SUV39H2: variants seen among roughly 807,000 people sequenced by gnomAD.
SUV39H2 encodes the protein SUV39H2 histone lysine methyltransferase.
Under a neutral mutation model 47.5 loss-of-function variants are expected in SUV39H2, and 10 were observed. The observed-to-expected ratio is 0.21, with a 90% CI of 0.13 to 0.36. The LOEUF is 0.36. Among genes scored for constraint, SUV39H2 ranks in the 10% least tolerant of loss-of-function variants. SUV39H2 has a pLI of 1.00. For synonymous variants in SUV39H2, 159 were observed against 166.8 expected (o/e 0.95, Z 0.36); for missense variants, 266 against 487.4 (o/e 0.55, Z 4.28).
At chr10:14,899,123 C>G in intron 3 of SUV39H2, 1 of 657,554 alleles carries the variant, frequency 1.5e-6, no homozygotes. Flanking sequence ...AGTTCCAGAC[C>G]AGTGTGGGCA....
rs1834098800 is a variant in SUV39H2, at chr10:14,902,572, A to G, written c.*60A>G. The G allele has an allele frequency of 9.3e-7, 1 of 1,074,030 alleles. No homozygotes were observed. Among genetic ancestry groups the G allele is most frequent in the African/African-American group, 1.6e-5 (1 of 62,076 alleles). 66.5% of individuals were successfully genotyped at this position (1,074,030 alleles called of 1,614,324 possible). A position where few individuals can be genotyped will look rare whatever the true frequency, so the allele number is the denominator to read the frequency against. ...TTTTTTTCCTAATGTTAACATTTTT[A>G]AAAATACATATTTGGGACTCTTATT... is the stretch of plus-strand genomic sequence containing the variant. On this transcript the variant is annotated 3_prime_UTR_variant, in exon 6 of 6. Transcript: ENST00000354919.
rs758703395 is a variant in SUV39H2 at position 14,897,178 on chromosome 10, T to C, written c.510T>C (p.Tyr170=). ...TAGAGGGCCCACCTTCAGACTTCTA[T>C]TACATTAACGAATACAAACCAGCTC... ...VDLEGPPSDF[Y]YINEYKPAPG... The change falls in exon 3 of 6, where the codon TAT becomes TAC. Residue 170 remains tyrosine, a synonymous_variant. Coordinates refer to ENST00000354919, the MANE Select transcript of SUV39H2 (RefSeq NM_001193424.2). The C allele has an allele frequency of 3.7e-6, 6 of 1,613,840 alleles. No homozygotes were observed. In the Admixed American group the frequency reaches 1.0e-4, roughly 27 times the overall value.
At position 14,903,894 on chromosome 10, in the gene SUV39H2, T is replaced by C. The variant is rs1834181708; in HGVS notation, c.*1382T>C. 6.6e-6 allele frequency: 1 copy of C among 152,224 alleles called. No homozygotes were observed. Among genetic ancestry groups the C allele is most frequent in the Admixed American group, 6.5e-5 (1 of 15,284 alleles). The allele number at this position is 152,224 out of a possible 1,614,324, so 9.4% of individuals were successfully genotyped here. A position where few individuals can be genotyped will look rare whatever the true frequency, so the allele number is the denominator to read the frequency against. On this transcript the variant is annotated 3_prime_UTR_variant, in exon 6 of 6. Coordinates refer to ENST00000354919, the MANE Select transcript of SUV39H2 (RefSeq NM_001193424.2). ...CAGCACTTCTTAATCTTTAGCTCTT[T>C]CTTGGGAGAAGCTAGACTTTATTCA...
intron 5 of SUV39H2, among the ~76,000 whole-genome samples, chr10:14,901,621 A>G (rs1834024204): frequency 6.6e-6 from 1 of 151,782 alleles, no homozygotes; most frequent in African/African-American, 2.4e-5. Context: ...GCTTGAGCCC[A>G]GGAATTCAAG....
Position 14,894,469 on chromosome 10 carries a change from G to C in SUV39H2, c.178-2377G>C, listed in dbSNP as rs1338324802. ...TGCAAGCTCCGCCTCCCGGGTTCACGCCATTCTCCTGCCTCAGCCTCCCGT... is the reference window on the plus strand; with the variant it reads ...TGCAAGCTCCGCCTCCCGGGTTCACCCCATTCTCCTGCCTCAGCCTCCCGT... On this transcript the variant is annotated intron_variant, in intron 2 of 5. Coordinates refer to ENST00000354919, the MANE Select transcript of SUV39H2 (RefSeq NM_001193424.2). Among the ~76,000 whole-genome samples, 5 of 73,826 alleles carry C rather than the reference G, an allele frequency of 6.8e-5. 1 individual carries two copies. Among genetic ancestry groups the C allele is most frequent in the Non-Finnish European group, 1.1e-4 (5 of 43,830 alleles). The allele number at this position is 73,826 out of a possible 152,430, so 48.4% of individuals were successfully genotyped here.
chr10:14,895,716 A>G (rs894140651), intron 2 of SUV39H2, among the ~76,000 whole-genome samples: 11 of 152,314 alleles, frequency 7.2e-5, no homozygotes, highest in Middle Eastern at 3.4e-3. Context: ...GAGCTGTCCA[A>G]TAGAAATGTA....
At chr10:14,892,036 A>C (rs1011431933) in intron 2 of SUV39H2, among the ~76,000 whole-genome samples, 14 of 152,208 alleles carry the variant, frequency 9.2e-5, no homozygotes, top group African/African-American at 3.4e-4. Flanking sequence ...AAACAGGTTC[A>C]TGTGAAAAGG....
At position 14,900,356 on chromosome 10, in the gene SUV39H2, G is replaced by A. The variant is rs1426354671; in HGVS notation, c.996+671G>A. 2.0e-5 allele frequency among the ~76,000 whole-genome samples: 3 copies of A among 152,288 alleles called. No homozygotes were observed. In the East Asian group the frequency reaches 5.8e-4, roughly 29 times the overall value. ...GTTAGGGTGACATTATCTGCATTTT[G>A]TGGATAATAAGGACAGTGTGTGCCA... On this transcript the variant is annotated intron_variant, in intron 4 of 5. Transcript: ENST00000354919.
chr10:14,884,355 A>G (rs549704196), intron 2 of SUV39H2, among the ~76,000 whole-genome samples: 1 of 152,106 alleles, frequency 6.6e-6, no homozygotes, highest in Non-Finnish European at 1.5e-5. Flanking sequence ...CTTTTTGATG[A>G]TAGTTTTCCT....
rs147233152 is a variant in SUV39H2 at position 14,899,734 on chromosome 10, T to G, written c.996+49T>G. On this transcript the variant is annotated intron_variant, in intron 4 of 5. Coordinates refer to ENST00000354919, the MANE Select transcript of SUV39H2 (RefSeq NM_001193424.2). ...AGACACGACTAACAATTCAACCTAG[T>G]ACTAGTTTCCATAGCTAAAGAATAA... 1.6e-3 allele frequency: 2,596 copies of G among 1,590,216 alleles called. 23 individuals are homozygous for G. The highest frequency in any genetic ancestry group is 9.4e-4 in the Non-Finnish European group (1,100 of 1,167,112).
At chr10:14,886,492 C>G (rs375778046) in intron 2 of SUV39H2, among the ~76,000 whole-genome samples, 1 of 152,140 alleles carries the variant, frequency 6.6e-6, no homozygotes, top group Non-Finnish European at 1.5e-5. Context: ...ATTTTAGTCC[C>G]GGTACAGAAC....
At chr10:14,879,269 G>T (rs977556526) in intron 1 of SUV39H2, 5 of 417,636 alleles carry the variant, frequency 1.2e-5, no homozygotes, top group Middle Eastern at 8.0e-4. Context: ...GGTCCGGGGG[G>T]CACGGCTGCG....
chr10:14,879,871 G>A (rs528335429), intron 1 of SUV39H2: 2 of 151,682 alleles, frequency 1.3e-5, no homozygotes, highest in Non-Finnish European at 2.9e-5. Flanking sequence ...AGACTGTCGA[G>A]AGATTGTCTT....
intron 1 of SUV39H2, chr10:14,879,797 A>T (rs998801813): frequency 1.2e-4 from 18 of 152,116 alleles, no homozygotes; most frequent in African/African-American, 4.3e-4. Flanking sequence ...GAACCAGCGG[A>T]AGGTGTTTGT....
At chr10:14,883,827 AC>A (rs1245873542) in intron 2 of SUV39H2, among the ~76,000 whole-genome samples, 2 of 151,248 alleles carry the variant, frequency 1.3e-5, no homozygotes, top group Non-Finnish European at 2.9e-5. Context: ...ACCACCTGTT[AC>A]CCCCAGACTT....
chr10:14,881,611 A>T lies in SUV39H2; in HGVS notation c.143A>T (p.Glu48Val). The T allele has an allele frequency of 6.2e-7, 1 of 1,600,308 alleles. No homozygotes were observed. Among genetic ancestry groups the T allele is most frequent in the Non-Finnish European group, 8.5e-7 (1 of 1,175,506 alleles). ...GITKRNLNNY[E>V]VEYLCDYKVV... is the part of the protein sequence containing the mutation. ...ACCAAAAGGAATCTAAACAATTATG[A>T]GGTGGAATACTTGTGTGACTACAAG... The change falls in exon 2 of 6, where the codon GAG (glutamate) becomes GTG (valine). Residue 48 changes from glutamate (E) to valine (V), a missense_variant. Around this residue, in one of 4 missense-constraint regions of SUV39H2, gnomAD observed 32 missense variants for 77.2 expected, o/e 0.41. Coordinates refer to ENST00000354919, the MANE Select transcript of SUV39H2 (RefSeq NM_001193424.2).
At chr10:14,890,147 G>C (rs769589788) in intron 2 of SUV39H2, among the ~76,000 whole-genome samples, 4 of 152,180 alleles carry the variant, frequency 2.6e-5, no homozygotes, top group African/African-American at 4.8e-5. Context: ...TGAACCTAGA[G>C]TGGTTAAGAA....
intron 2 of SUV39H2, among the ~76,000 whole-genome samples, chr10:14,887,952 G>A (rs1055515580): frequency 2.6e-5 from 4 of 152,174 alleles, no homozygotes; most frequent in Non-Finnish European, 4.4e-5. Context: ...ACTTCAAGGA[G>A]TAGAAAGAGG....
intron 2 of SUV39H2, among the ~76,000 whole-genome samples, chr10:14,895,466 G>A (rs568815199): frequency 5.3e-5 from 8 of 152,208 alleles, no homozygotes; most frequent in East Asian, 3.9e-4. Flanking sequence ...GTGACCCACC[G>A]CACCCAGCCG....
Sources: gnomAD v4.1 joint callset for allele counts (sites outside exome capture counted in the v4.1 genomes callset) on GRCh38, gnomAD v4.1.1 for gene constraint, gnomAD v4.1.1 regional missense constraint, MANE v1.5 for transcripts, NCBI Gene and HGNC (gene_info 2026-07-23, HGNC 2026-07-21) for gene names.